COL25A1: variants seen among roughly 807,000 people sequenced by gnomAD.
The protein encoded by COL25A1 is collagen type XXV alpha 1 chain.
Under a neutral mutation model 128.4 loss-of-function variants are expected in COL25A1, and 103 were observed. The observed-to-expected ratio is 0.80, with a 90% confidence interval of 0.68 to 0.94. The LOEUF (loss-of-function observed/expected upper bound fraction) is 0.94, where lower values mean the gene tolerates loss of function less well. Among genes scored for constraint, COL25A1 ranks in the 40% least tolerant of loss-of-function variants. The pLI, the probability that COL25A1 is intolerant of heterozygous loss-of-function variation, is 0.00. For synonymous variants in COL25A1, 279 were observed against 277.2 expected (o/e 1.01, Z -0.06); for missense variants, 745 against 840.0 (o/e 0.89, Z 1.40).
chr4:109,071,285 C>T (rs1417883136), intron 3 of COL25A1, among the ~76,000 whole-genome samples: 1 of 152,164 alleles, frequency 6.6e-6, no homozygotes, highest in Non-Finnish European at 1.5e-5. Context: ...ATACCTTATA[C>T]AAAAATTAAT....
intron 6 of COL25A1, among the ~76,000 whole-genome samples, chr4:108,999,032 T>C (rs558117225): frequency 2.4e-3 from 371 of 152,188 alleles, no homozygotes; most frequent in African/African-American, 8.5e-3. Context: ...ACCTAAGCAA[T>C]ACCATTGAGG....
intron 25 of COL25A1, 21 bp from the exon 26 acceptor site, chr4:108,852,301 G>A (rs775397406): frequency 1.3e-6 from 2 of 1,575,544 alleles, no homozygotes; most frequent in East Asian, 2.3e-5. Context: ...AAAAAGCACA[G>A]TTTTTAAAAG....
At chr4:108,849,918 T>C (rs1735571248) in intron 26 of COL25A1, among the ~76,000 whole-genome samples, 1 of 152,290 alleles carries the variant, frequency 6.6e-6, no homozygotes. Context: ...GATCTTGTGG[T>C]TATAAACAAA....
At chr4:109,104,302 G>A (rs1766191387) in intron 3 of COL25A1, among the ~76,000 whole-genome samples, 1 of 152,090 alleles carries the variant, frequency 6.6e-6, no homozygotes, top group South Asian at 2.1e-4. Context: ...GGGCCCAGGA[G>A]TTCGAGGTTA....
At chr4:109,113,295 A>T (rs921880624) in intron 3 of COL25A1, among the ~76,000 whole-genome samples, 1 of 152,054 alleles carries the variant, frequency 6.6e-6, no homozygotes, top group Non-Finnish European at 1.5e-5. Context: ...TGCAAACCAG[A>T]CCCTGTATCC....
chr4:108,990,733 TTA>T (rs200293541), intron 6 of COL25A1, among the ~76,000 whole-genome samples: 1,686 of 152,262 alleles, frequency 0.011, 36 homozygotes, highest in African/African-American at 0.038. Flanking sequence ...CTAATAACAG[TTA>T]TATATGTGTG....
chr4:109,153,692 T>TTTAA (rs372475886), intron 3 of COL25A1, among the ~76,000 whole-genome samples: 12 of 152,198 alleles, frequency 7.9e-5, no homozygotes, highest in African/African-American at 2.4e-4. Flanking sequence ...TTTATACATA[T>TTTAA]TTATTTTTAT....
Position 108,852,563 on chromosome 4 carries a change from A to T in COL25A1, c.1345-283T>A, listed in dbSNP as rs1735916747. Among the ~76,000 whole-genome samples the T allele has an allele frequency of 2.0e-5, 3 of 152,140 alleles. No individual in the cohort carries two copies. In the South Asian group the frequency reaches 6.2e-4, roughly 31 times the overall value. ...TGCTGCCATGCTCCACACTCATCGT[A>T]TTGGGATGAATTAGCATACGAATAT... On this transcript the variant is annotated intron_variant, in intron 25 of 37. Coordinates refer to ENST00000399132, the MANE Select transcript of COL25A1 (RefSeq NM_198721.4).
intron 3 of COL25A1, among the ~76,000 whole-genome samples, chr4:109,171,534 C>T (rs1429758969): frequency 6.6e-6 from 1 of 152,128 alleles, no homozygotes; most frequent in African/African-American, 2.4e-5. Context: ...CAAGCTAAGA[C>T]ACAGACTAAT....
intron 3 of COL25A1, among the ~76,000 whole-genome samples, chr4:109,278,429 T>G (rs1723054428): frequency 6.6e-6 from 1 of 152,234 alleles, no homozygotes; most frequent in Non-Finnish European, 1.5e-5. Flanking sequence ...TGTATTGAAT[T>G]TAGTCCTATA....
Position 109,214,608 on chromosome 4 carries a change from A to G in COL25A1, c.367+85975T>C, listed in dbSNP as rs549471682. Among the ~76,000 whole-genome samples, 20 of 129,402 alleles carry G rather than the reference A, an allele frequency of 1.5e-4. No homozygotes were observed. In the South Asian group the frequency reaches 4.5e-3, roughly 29 times the overall value. The allele number at this position is 129,402 out of a possible 152,430, so 84.9% of individuals were successfully genotyped here. ...CATCCCCATTTGGAGATATATAAAT[A>G]TATATACATATATATAATCTAAAAC... On this transcript the variant is annotated intron_variant, in intron 3 of 37. Transcript: ENST00000399132.
intron 3 of COL25A1, among the ~76,000 whole-genome samples, chr4:109,295,335 A>C (rs548437925): frequency 1.1e-3 from 173 of 152,174 alleles, no homozygotes; most frequent in African/African-American, 3.8e-3. Flanking sequence ...ACACTGTTGT[A>C]CTCATTAGGA....
chr4:108,899,381 T>C (rs1372822168), intron 14 of COL25A1, among the ~76,000 whole-genome samples: 1 of 152,182 alleles, frequency 6.6e-6, no homozygotes, highest in East Asian at 1.9e-4. Context: ...AATTATCAAA[T>C]GTAATCTTAA....
At chr4:109,134,035 T>C (rs1769467685) in intron 3 of COL25A1, among the ~76,000 whole-genome samples, 1 of 151,656 alleles carries the variant, frequency 6.6e-6, no homozygotes, top group South Asian at 2.1e-4. Flanking sequence ...TATTAAATGA[T>C]GAAAAACAGC....
intron 6 of COL25A1, among the ~76,000 whole-genome samples, chr4:108,992,748 C>T (rs895968683): frequency 3.3e-5 from 5 of 152,054 alleles, no homozygotes; most frequent in African/African-American, 1.2e-4. Context: ...AATCTCAGGG[C>T]TTAGGAACCT....
At chr4:109,291,188 AGT>A (rs1724435863) in intron 3 of COL25A1, among the ~76,000 whole-genome samples, 1 of 152,140 alleles carries the variant, frequency 6.6e-6, no homozygotes, top group Admixed American at 6.6e-5. Context: ...TGCTGATGAC[AGT>A]GGGCATTCAT....
At chr4:109,194,060 A>G (rs1241193020) in intron 3 of COL25A1, among the ~76,000 whole-genome samples, 1 of 152,226 alleles carries the variant, frequency 6.6e-6, no homozygotes, top group African/African-American at 2.4e-5. Flanking sequence ...TTTAAGCACT[A>G]ACATGAGCAA....
At chr4:108,863,744 G>A (rs555648204) in intron 20 of COL25A1, among the ~76,000 whole-genome samples, 1 of 152,096 alleles carries the variant, frequency 6.6e-6, no homozygotes, top group African/African-American at 2.4e-5. Flanking sequence ...ATCTGCTGGG[G>A]GCCCAGATAG....
rs189071311 is a variant in COL25A1, at chr4:108,828,184, G to A, written c.1711-996C>T. Among the ~76,000 whole-genome samples the A allele has an allele frequency of 7.9e-5, 12 of 152,118 alleles. No homozygotes were observed. In the East Asian group the frequency reaches 1.4e-3, roughly 17 times the overall value. The stretch of plus-strand genomic sequence containing the variant: ...GAGACAGAGTCTTGCTCTGTTGCCC[G>A]GGCTAGAGTGCAGTGGCACAATCTC... On this transcript the variant is annotated intron_variant, in intron 32 of 37. Transcript: ENST00000399132.
Sources: gnomAD v4.1 joint callset for allele counts (sites outside exome capture counted in the v4.1 genomes callset) on GRCh38, gnomAD v4.1.1 for gene constraint, MANE v1.5 for transcripts, NCBI Gene and HGNC (gene_info 2026-07-23, HGNC 2026-07-21) for gene names.